TDP1: variants seen among roughly 807,000 people sequenced by gnomAD.
TDP1 encodes tyr-DNA phosphodiesterase 1.
TDP1 carries 64 observed loss-of-function variants against 81.5 expected under a neutral mutation model. The observed-to-expected ratio is 0.79, with a 90% CI of 0.64 to 0.97. The LOEUF (loss-of-function observed/expected upper bound fraction) is 0.97. Ranked by LOEUF, TDP1 falls within the 50% of genes least tolerant of loss-of-function variation. TDP1 has a pLI of 0.00. For synonymous variants in TDP1, 256 were observed against 264.3 expected, an observed-to-expected ratio of 0.97 and a Z score of 0.30; for missense variants, 723 against 743.8, an observed-to-expected ratio of 0.97 and a Z score of 0.33.
At chr14:89,972,220 A>G (rs1355866844) in intron 6 of TDP1, among the ~76,000 whole-genome samples, 1 of 152,248 alleles carries the variant, frequency 6.6e-6, no homozygotes, top group Non-Finnish European at 1.5e-5. Flanking sequence ...AGGAGGCCTC[A>G]GGAAACTTTC....
intron 7 of TDP1, among the ~76,000 whole-genome samples, chr14:89,976,527 CTTTTTTT>C (rs35744477): frequency 6.8e-5 from 6 of 88,754 alleles, no homozygotes; most frequent in African/African-American, 2.0e-4. Context: ...CAACAGAGCT[CTTTTTTT>C]TTTTTTTTTT....
intron 14 of TDP1, among the ~76,000 whole-genome samples, chr14:89,999,600 C>A (rs1008671069): frequency 6.6e-6 from 1 of 151,950 alleles, no homozygotes; most frequent in African/African-American, 2.4e-5. Flanking sequence ...AAACAAATTC[C>A]CCAGAAAAAA....
At chr14:89,991,657 A>G (rs1896198194) in intron 12 of TDP1, 1 of 984,706 alleles carries the variant, frequency 1.0e-6, no homozygotes, top group African/African-American at 1.7e-5. Flanking sequence ...AAAGTATATG[A>G]TCATCACTTA....
chr14:90,025,372 G>A (rs1886533752), intron 15 of TDP1, among the ~76,000 whole-genome samples: 1 of 152,148 alleles, frequency 6.6e-6, no homozygotes. Flanking sequence ...TAAGTCGCTG[G>A]TACCATGTGT....
intron 15 of TDP1, among the ~76,000 whole-genome samples, chr14:90,025,324 A>G (rs1251993424): frequency 6.6e-6 from 1 of 152,236 alleles, no homozygotes; most frequent in Non-Finnish European, 1.5e-5. Context: ...TTCATGATAA[A>G]GATGCCATTT....
chr14:89,989,195 C>CTTTT, intron 11 of TDP1, 105 bp downstream of exon 11: 2 of 748,594 alleles, frequency 2.7e-6, no homozygotes, highest in Non-Finnish European at 3.7e-6. Flanking sequence ...TTCTGTGATT[C>CTTTT]TTTTTTTTTT....
intron 6 of TDP1, among the ~76,000 whole-genome samples, chr14:89,974,118 C>G (rs984261016): frequency 1.3e-5 from 2 of 152,168 alleles, no homozygotes; most frequent in Admixed American, 6.5e-5. Context: ...GTCTACAACA[C>G]TTATTCTGGG....
rs35820682 is a variant in TDP1 at position 89,986,831 on chromosome 14, C to G, written c.1131+1621C>G. The stretch of plus-strand genomic sequence containing the variant: ...TGTATGTGTAAGTATTAATGCCTAA[C>G]CTGTGTTAAGGAAAATAATACATAT... On this transcript the variant is annotated intron_variant, in intron 10 of 16. Transcript: ENST00000335725. Among the ~76,000 whole-genome samples the G allele has an allele frequency of 6.0e-3, 907 of 152,238 alleles. 6 individuals carry two copies. The highest frequency in any genetic ancestry group is 0.021 in the African/African-American group (870 of 41,494).
At chr14:90,003,136 C>T (rs1231624055) in intron 14 of TDP1, among the ~76,000 whole-genome samples, 1 of 152,094 alleles carries the variant, frequency 6.6e-6, no homozygotes, top group African/African-American at 2.4e-5. Flanking sequence ...TGAGGTTTCA[C>T]GGTATTGGCC....
At chr14:89,975,578 TGTG>T in intron 6 of TDP1, 200 bp from the exon 7 acceptor site, 2 of 736,018 alleles carry the variant, frequency 2.7e-6, no homozygotes, top group Non-Finnish European at 3.2e-6. Context: ...TAACAAAATT[TGTG>T]TTTTTTTTTT....
chr14:90,034,865 A>G (rs183550929), intron 16 of TDP1, among the ~76,000 whole-genome samples: 65 of 152,298 alleles, frequency 4.3e-4, no homozygotes, highest in Non-Finnish European at 8.1e-4. Flanking sequence ...TCCCTCAACA[A>G]TGTTTCATGG....
At chr14:89,992,285 C>A (rs773665276) in intron 13 of TDP1, among the ~76,000 whole-genome samples, 1 of 152,154 alleles carries the variant, frequency 6.6e-6, no homozygotes, top group Non-Finnish European at 1.5e-5. Context: ...CATTTTAGTT[C>A]ATTTTTCCAA....
At chr14:89,981,619 T>G in intron 8 of TDP1, 1 of 375,782 alleles carries the variant, frequency 2.7e-6, no homozygotes, top group South Asian at 2.1e-5. Flanking sequence ...ATTGCCTAGC[T>G]TGGGCTAGAA....
intron 16 of TDP1, among the ~76,000 whole-genome samples, chr14:90,040,900 T>C (rs182304832): frequency 6.6e-6 from 1 of 152,332 alleles, no homozygotes; most frequent in Non-Finnish European, 1.5e-5. Flanking sequence ...GTTTTTGTAT[T>C]GGAAAGGCTA....
At chr14:89,976,639 C>T (rs575830511) in intron 7 of TDP1, among the ~76,000 whole-genome samples, 9 of 146,398 alleles carry the variant, frequency 6.1e-5, no homozygotes, top group Admixed American at 2.8e-4. Context: ...TGGGTTCAAA[C>T]GATTCTCCTG....
intron 14 of TDP1, among the ~76,000 whole-genome samples, chr14:90,017,393 A>G (rs2140252291): frequency 6.6e-6 from 1 of 152,338 alleles, no homozygotes; most frequent in South Asian, 2.1e-4. Flanking sequence ...ACAACCTGCA[A>G]GTGACTTTCA....
At chr14:90,010,741 C>T (rs1006328266) in intron 14 of TDP1, among the ~76,000 whole-genome samples, 1 of 152,134 alleles carries the variant, frequency 6.6e-6, no homozygotes, top group Non-Finnish European at 1.5e-5. Flanking sequence ...CCTCCTAAAA[C>T]TTTAATTTTA....
rs1228927946 is a variant in TDP1 at position 89,984,500 on chromosome 14, A to AT, written c.885-9dup. 1.5e-5 allele frequency: 24 copies of AT among 1,613,980 alleles called. No individual in the cohort carries two copies. Among genetic ancestry groups the AT allele is most frequent in the Non-Finnish European group, 2.0e-5 (24 of 1,180,000 alleles). On this transcript the variant is annotated splice_polypyrimidine_tract_variant and intron_variant, in intron 8 of 16. Transcript: ENST00000335725. ...GTTGTGTGCCTGACTGTTAAAGGTT[A>AT]TTTTTTTAATTCCAGAATATGGTTG... is the stretch of plus-strand genomic sequence containing the variant.
At chr14:89,989,651 C>G in intron 11 of TDP1, 66 bp from the exon 12 acceptor site, 1 of 1,318,524 alleles carries the variant, frequency 7.6e-7, no homozygotes, top group Non-Finnish European at 1.1e-6. Flanking sequence ...TCCTTAAAAG[C>G]TGATTATCAT....
Sources: allele counts gnomAD v4.1 joint callset (sites outside exome capture counted in the v4.1 genomes callset), GRCh38; gene constraint gnomAD v4.1.1; transcripts MANE v1.5; gene names NCBI Gene and HGNC (gene_info 2026-07-23, HGNC 2026-07-21).